Variants in MYRFL observed in about 807,000 individuals in gnomAD.
The protein encoded by MYRFL is myelin regulatory factor-like protein.
MYRFL carries 88 observed loss-of-function variants against 109.4 expected under a neutral mutation model. The ratio of observed to expected loss-of-function variants is 0.80; its 90% confidence interval spans 0.68 to 0.96. MYRFL has a LOEUF of 0.96. Ranked by LOEUF, MYRFL falls within the 40% of genes least tolerant of loss-of-function variation. MYRFL has a pLI of 0.00. For missense variants in MYRFL, 957 were observed against 954.9 expected (o/e 1.00, Z -0.03); for synonymous variants, 324 against 320.9 (o/e 1.01, Z -0.10).
chr12:69,860,273 C>G (rs1483278649), intron 2 of MYRFL, among the ~76,000 whole-genome samples: 1 of 152,182 alleles, frequency 6.6e-6, no homozygotes, highest in Non-Finnish European at 1.5e-5. Flanking sequence ...CTGCAAAGGA[C>G]ATGATCTCAT....
chr12:69,902,234 G>A (rs554178486), intron 10 of MYRFL, among the ~76,000 whole-genome samples: 3 of 152,176 alleles, frequency 2.0e-5, no homozygotes, highest in Admixed American at 1.3e-4. Context: ...CAATGGTTGA[G>A]TCTTCCAAGC....
At chr12:69,835,014 A>T (rs1882850892) in intron 1 of MYRFL, among the ~76,000 whole-genome samples, 1 of 152,212 alleles carries the variant, frequency 6.6e-6, no homozygotes, top group African/African-American at 2.4e-5. Context: ...CGTCTGAAGG[A>T]TTTTGTTCTA....
intron 5 of MYRFL, among the ~76,000 whole-genome samples, chr12:69,880,691 T>G (rs1036323344): frequency 2.6e-5 from 4 of 152,160 alleles, no homozygotes; most frequent in Non-Finnish European, 2.9e-5. Context: ...CTTGGTAAAA[T>G]GCAGACTCTG....
At chr12:69,928,698 G>A (rs1010911835) in intron 15 of MYRFL, among the ~76,000 whole-genome samples, 4 of 152,150 alleles carry the variant, frequency 2.6e-5, no homozygotes, top group Admixed American at 2.6e-4. Context: ...AACCACACTG[G>A]GAAATAGGGA....
chr12:69,951,998 G>C, intron 19 of MYRFL, 115 bp from the exon 20 acceptor site: 5 of 774,462 alleles, frequency 6.5e-6, no homozygotes, highest in Non-Finnish European at 1.1e-5. Flanking sequence ...TGAAGGATGG[G>C]AGACAGAAAG....
In MYRFL at chr12:69,957,962, C is replaced by T. The variant is rs907775983; in HGVS notation, c.2571+20C>T. 6.6e-7 allele frequency: 1 copy of T among 1,524,612 alleles called. No homozygotes were observed. Among genetic ancestry groups the T allele is most frequent in the Non-Finnish European group, 8.8e-7 (1 of 1,138,004 alleles). The allele number at this position is 1,524,612 out of a possible 1,614,324, so 94.4% of individuals were successfully genotyped here. On this transcript the variant is annotated intron_variant, in intron 23 of 24. Coordinates refer to ENST00000552032, the MANE Select transcript of MYRFL (RefSeq NM_182530.3). ...ACACAGGTAATGTTTTCTGCCTCCT[C>T]TCTTCCCCGCTGAGAGAGGGATACA...
intron 2 of MYRFL, among the ~76,000 whole-genome samples, chr12:69,865,292 G>A (rs1286776414): frequency 6.6e-6 from 1 of 152,214 alleles, no homozygotes; most frequent in African/African-American, 2.4e-5. Flanking sequence ...ACAAAAGGGT[G>A]TGATCTAATG....
In MYRFL at chr12:69,926,586, G is replaced by A; in HGVS notation, c.1618G>A (p.Glu540Lys). Reference protein sequence around the residue: ...LMVDKDQIFMENVGAVKQLCK... With the variant: ...LMVDKDQIFMKNVGAVKQLCK... Reference sequence around the variant, plus strand: ...TCCCTTTTAGGACCAGATCTTTATGGAAAATGTAGGTGCAGTGAAGCAACT... The same window carrying A: ...TCCCTTTTAGGACCAGATCTTTATGAAAAATGTAGGTGCAGTGAAGCAACT... The change falls in exon 14 of 25, where the codon GAA becomes AAA. Residue 540 changes from glutamate to lysine, a missense_variant. Physicochemically the swap from Glu to Lys is moderately conservative, Grantham distance 56. Coordinates refer to ENST00000552032, the MANE Select transcript of MYRFL (RefSeq NM_182530.3). 2 of 1,503,004 alleles carry A rather than the reference G, an allele frequency of 1.3e-6. No homozygotes were observed. The highest frequency in any genetic ancestry group is 1.8e-6 in the Non-Finnish European group (2 of 1,131,678). The allele number at this position is 1,503,004 out of a possible 1,614,324, so 93.1% of individuals were successfully genotyped here. A position where few individuals can be genotyped will look rare whatever the true frequency, so the allele number is the denominator to read the frequency against.
In MYRFL at chr12:69,891,605, CTCTT is replaced by C. The variant is rs1362327784; in HGVS notation, c.903+454_903+457del. Among the ~76,000 whole-genome samples, 12 of 53,124 alleles carry C rather than the reference CTCTT, an allele frequency of 2.3e-4. 1 individual carries two copies. Among genetic ancestry groups the C allele is most frequent in the Admixed American group, 1.0e-3 (5 of 4,816 alleles). The allele number at this position is 53,124 out of a possible 152,430, so 34.9% of individuals were successfully genotyped here. ...TCTTTCTTTCTTTCTTTCTTTCTTT[CTCTT>C]TCTTTCTTTCTTTCCTCCTTCCTTT... is the stretch of plus-strand genomic sequence containing the variant. On this transcript the variant is annotated intron_variant, in intron 7 of 24. Coordinates refer to ENST00000552032, the MANE Select transcript of MYRFL (RefSeq NM_182530.3).
At chr12:69,884,275 A>G (rs932094519) in intron 5 of MYRFL, among the ~76,000 whole-genome samples, 1 of 152,238 alleles carries the variant, frequency 6.6e-6, no homozygotes, top group African/African-American at 2.4e-5. Context: ...CATTGTTAGT[A>G]GTATTAATAT....
intron 13 of MYRFL, among the ~76,000 whole-genome samples, chr12:69,921,643 C>T (rs1954918269): frequency 6.6e-6 from 1 of 152,144 alleles, no homozygotes; most frequent in South Asian, 2.1e-4. Flanking sequence ...AAAGTCAGAG[C>T]CAGCCATAAT....
At chr12:69,946,056 A>G (rs1955831321) in intron 19 of MYRFL, among the ~76,000 whole-genome samples, 2 of 150,322 alleles carry the variant, frequency 1.3e-5, no homozygotes, top group Admixed American at 1.3e-4. Context: ...AATCATGTCC[A>G]TAAGATTATA....
chr12:69,898,352 G>T (rs10879044), intron 10 of MYRFL, among the ~76,000 whole-genome samples: 48,228 of 152,126 alleles, frequency 0.32, 7,951 homozygotes, highest in African/African-American at 0.36. Context: ...GGTAAAACAC[G>T]TATGTGTTCA....
chr12:69,933,816 A>AAGTT (rs1422761700), intron 16 of MYRFL, among the ~76,000 whole-genome samples: 1 of 150,656 alleles, frequency 6.6e-6, no homozygotes, highest in Non-Finnish European at 1.5e-5. Flanking sequence ...CCCGGTGGAA[A>AAGTT]AGTTATAAGA....
At chr12:69,927,833 A>ATTTC in intron 15 of MYRFL, 85 bp downstream of exon 15, 1 of 1,263,482 alleles carries the variant, frequency 7.9e-7, no homozygotes, top group Non-Finnish European at 1.1e-6. Flanking sequence ...TTTTTTTCTC[A>ATTTC]TTTCTTTGTT....
chr12:69,929,942 T>C (rs1055875645), intron 15 of MYRFL, among the ~76,000 whole-genome samples: 16 of 152,242 alleles, frequency 1.1e-4, no homozygotes, highest in African/African-American at 3.9e-4. Flanking sequence ...AAGTGCTGCA[T>C]AATAGGTTGT....
intron 23 of MYRFL, 44 bp downstream of exon 23, chr12:69,957,986 C>A: frequency 6.6e-7 from 1 of 1,507,204 alleles, no homozygotes; most frequent in Non-Finnish European, 8.9e-7. Context: ...GAGAGGGATA[C>A]ATTGAGCAAA....
At position 69,879,354 on chromosome 12, in the gene MYRFL, C is replaced by T; in HGVS notation, c.365C>T (p.Ser122Leu). ...CACGGAGGCTTTCACAGCTGCCACT[C>T]AAACGCCAGTCATCTTGCCACCCCC... ...QIHGGFHSCH[S>L]NASHLATPLD... is the part of the protein sequence containing the mutation. Residue 122 changes from serine to leucine, a missense_variant, in exon 4 of 25, where the codon TCA becomes TTA. Physicochemically the swap from Ser to Leu is moderately radical, Grantham distance 145 (BLOSUM62 -2). Transcript: ENST00000552032. 1 of 702,926 alleles carries T rather than the reference C, an allele frequency of 1.4e-6. No homozygotes were observed. The allele number at this position is 702,926 out of a possible 1,614,324, so 43.5% of individuals were successfully genotyped here. A position where few individuals can be genotyped will look rare whatever the true frequency, so the allele number is the denominator to read the frequency against.
rs7295793 is a variant in MYRFL at position 69,880,205 on chromosome 12, T to G, written c.469T>G (p.Ser157Ala). 164,205 of 702,228 alleles carry G rather than the reference T, an allele frequency of 0.23. 19,771 individuals carry two copies. Among genetic ancestry groups the G allele is most frequent in the South Asian group, 0.29 (19,908 of 67,520 alleles). 43.5% of individuals were successfully genotyped at this position (702,228 alleles called of 1,614,324 possible). The change falls in exon 5 of 25, where the codon TCA becomes GCA. Residue 157 changes from serine to alanine, a missense_variant. Transcript: ENST00000552032. ...GTTTTGGTGTCTTGATTTTAGAGCC[T>G]CATTGCCTCCAACCAAGAAGAGAAA... ...QQPLCHSPGA[S>A]LPPTKKRKCT...
Sources: allele counts gnomAD v4.1 joint callset (sites outside exome capture counted in the v4.1 genomes callset), GRCh38; gene constraint gnomAD v4.1.1; transcripts MANE v1.5; gene names NCBI Gene and HGNC (gene_info 2026-07-23, HGNC 2026-07-21).